The following DOCK9 variants were observed in gnomAD, a reference collection of about 807,000 sequenced individuals.
The protein encoded by DOCK9 is dedicator of cytokinesis 9.
Under a neutral mutation model 263.3 loss-of-function variants are expected in DOCK9, and 89 were observed. The observed-to-expected ratio is 0.34, with a 90% confidence interval of 0.28 to 0.40. The LOEUF (loss-of-function observed/expected upper bound fraction) is 0.40, where lower values mean the gene tolerates loss of function less well. Ranked by LOEUF, DOCK9 falls within the 10% of genes least tolerant of loss-of-function variation. The probability of loss-of-function intolerance (pLI) is 1.00; values close to 1 mark genes in which losing one functional copy is unlikely to be tolerated. For missense variants in DOCK9, 2,140 were observed against 2,603.4 expected, an observed-to-expected ratio of 0.82 and a Z score of 3.87; for synonymous variants, 976 against 973.1, an observed-to-expected ratio of 1.00 and a Z score of -0.06.
intron 1 of DOCK9, among the ~76,000 whole-genome samples, chr13:98,967,982 A>T (rs2059369712): frequency 2.0e-5 from 3 of 152,168 alleles, no homozygotes; most frequent in South Asian, 2.1e-4. Context: ...AAAAATCACA[A>T]ATATTTTTCC....
At chr13:98,864,476 C>G (rs2093962339) in intron 30 of DOCK9, among the ~76,000 whole-genome samples, 1 of 152,204 alleles carries the variant, frequency 6.6e-6, no homozygotes, top group African/African-American at 2.4e-5. Flanking sequence ...GACAGTTACT[C>G]CTAAATCTAG....
Position 98,824,404 on chromosome 13 carries a change from G to A in DOCK9, c.5124C>T (p.Phe1708=). ...CATGAGTTCAAGCACGCACCTCGTTGAAATGGACATCCTGCATCCCCACGT... is the reference window on the plus strand; with the variant it reads ...CATGAGTTCAAGCACGCACCTCGTTAAAATGGACATCCTGCATCCCCACGT... The part of the protein sequence containing the change: ...MEDVGMQDVH[F]NEDVLMELLE... The change falls in exon 45 of 53, where the codon TTC becomes TTT. Residue 1708 remains phenylalanine (F), a synonymous_variant. Transcript: ENST00000682017. 3 of 1,613,798 alleles carry A rather than the reference G, an allele frequency of 1.9e-6. No homozygotes were observed. The highest frequency in any genetic ancestry group is 2.5e-6 in the Non-Finnish European group (3 of 1,179,748).
At chr13:98,794,771 T>C in intron 52 of DOCK9, 23 bp from the exon 53 acceptor site, 1 of 1,613,234 alleles carries the variant, frequency 6.2e-7, no homozygotes, top group Non-Finnish European at 8.5e-7. Context: ...AACACAACGT[T>C]ACTGAGGGCA....
chr13:98,916,881 A>T (rs1053991042), intron 7 of DOCK9, among the ~76,000 whole-genome samples: 1 of 152,210 alleles, frequency 6.6e-6, no homozygotes, highest in Non-Finnish European at 1.5e-5. Flanking sequence ...AAATGCTTCA[A>T]AATTTTTTAG....
intron 30 of DOCK9, among the ~76,000 whole-genome samples, 156 bp downstream of exon 30, chr13:98,867,269 A>G (rs933190340): frequency 1.3e-5 from 2 of 152,260 alleles, no homozygotes; most frequent in Admixed American, 6.5e-5. Flanking sequence ...ATATTTTACC[A>G]ATACTTTTTG....
intron 27 of DOCK9, among the ~76,000 whole-genome samples, chr13:98,878,230 C>A (rs1414227293): frequency 2.0e-5 from 3 of 152,182 alleles, no homozygotes; most frequent in Non-Finnish European, 4.4e-5. Flanking sequence ...AAATAAATTT[C>A]TATTTTTTAA....
chr13:98,910,467 T>C (rs1161243017), intron 9 of DOCK9, among the ~76,000 whole-genome samples: 2 of 152,146 alleles, frequency 1.3e-5, no homozygotes, highest in African/African-American at 2.4e-5. Context: ...AGCTCCAAGA[T>C]TATACAAAAT....
At chr13:98,967,112 C>G (rs1275163067) in intron 1 of DOCK9, among the ~76,000 whole-genome samples, 1 of 152,250 alleles carries the variant, frequency 6.6e-6, no homozygotes, top group Non-Finnish European at 1.5e-5. Context: ...TCAAAAAATC[C>G]TGGCTTCACT....
At chr13:98,869,003 G>A (rs1251612892) in intron 27 of DOCK9, among the ~76,000 whole-genome samples, 1 of 152,180 alleles carries the variant, frequency 6.6e-6, no homozygotes, top group Non-Finnish European at 1.5e-5. Flanking sequence ...CAGGGAGAAG[G>A]GGCAAGAACC....
At chr13:98,955,712 A>T in intron 1 of DOCK9, among the ~76,000 whole-genome samples, 161 bp from the exon 2 acceptor site, 1 of 152,252 alleles carries the variant, frequency 6.6e-6, no homozygotes, top group East Asian at 1.9e-4. Flanking sequence ...TTCCAAAGGG[A>T]CAAAAAATGC....
At chr13:98,967,007 T>C (rs1179662691) in intron 1 of DOCK9, among the ~76,000 whole-genome samples, 2 of 152,222 alleles carry the variant, frequency 1.3e-5, no homozygotes, top group African/African-American at 2.4e-5. Context: ...TAACAAGCCC[T>C]TCAGACGATT....
intron 46 of DOCK9, among the ~76,000 whole-genome samples, chr13:98,809,953 G>A (rs1267646624): frequency 6.6e-6 from 1 of 152,120 alleles, no homozygotes; most frequent in Non-Finnish European, 1.5e-5. Context: ...TTGAGATGTG[G>A]GGGTCTCCAC....
intron 1 of DOCK9, among the ~76,000 whole-genome samples, chr13:99,026,936 T>C (rs1394134979): frequency 4.0e-5 from 6 of 151,758 alleles, no homozygotes; most frequent in Admixed American, 3.3e-4. Flanking sequence ...CCTTTAACAG[T>C]GTGCTACACG....
intron 2 of DOCK9, among the ~76,000 whole-genome samples, chr13:98,953,778 T>A (rs756406158): frequency 1.3e-5 from 2 of 152,252 alleles, no homozygotes; most frequent in Non-Finnish European, 2.9e-5. Flanking sequence ...CCATGCAGTT[T>A]AGTCATGAAA....
chr13:99,005,492 C>A (rs1883175655), intron 1 of DOCK9, among the ~76,000 whole-genome samples: 1 of 151,936 alleles, frequency 6.6e-6, no homozygotes, highest in Non-Finnish European at 1.5e-5. Flanking sequence ...AAGGAAAAGG[C>A]CTTAGGGTTT....
chr13:99,083,042 C>T (rs1227165162), intron 1 of DOCK9, among the ~76,000 whole-genome samples: 1 of 152,042 alleles, frequency 6.6e-6, no homozygotes, highest in Non-Finnish European at 1.5e-5. Flanking sequence ...ATCACCTGAG[C>T]TCAGGAGTTT....
At chr13:98,980,491 A>C (rs1380226580), upstream of DOCK9, among the ~76,000 whole-genome samples, 1 of 152,256 alleles carries the variant, frequency 6.6e-6, no homozygotes, top group Non-Finnish European at 1.5e-5. Flanking sequence ...TAAAAGGCAC[A>C]ATACCAATCA....
intron 1 of DOCK9, among the ~76,000 whole-genome samples, chr13:98,985,749 A>G (rs1878301368): frequency 6.6e-6 from 1 of 152,196 alleles, no homozygotes; most frequent in African/African-American, 2.4e-5. Flanking sequence ...CCTGGCCTCA[A>G]TCTTGTTTCG....
chr13:98,807,776 T>A lies in DOCK9; in HGVS notation c.5399A>T (p.Tyr1800Phe), dbSNP rs369791591. Residue 1800 changes from tyrosine to phenylalanine, a missense_variant, in exon 48 of 53, where the codon TAT becomes TTT. Transcript: ENST00000682017. ...TGTGAGTTTGGGTTCCTTGTAAATATACTCCTTTCCATCTTCATCTTCAAA... is the reference window on the plus strand; with the variant it reads ...TGTGAGTTTGGGTTCCTTGTAAATAAACTCCTTTCCATCTTCATCTTCAAA... ...GFFEDEDGKE[Y>F]IYKEPKLTPL... 6.2e-7 allele frequency: 1 copy of A among 1,612,400 alleles called. No individual in the cohort carries two copies. The highest frequency in any genetic ancestry group is 8.5e-7 in the Non-Finnish European group (1 of 1,178,930).
Sources: gnomAD v4.1 joint callset for allele counts (sites outside exome capture counted in the v4.1 genomes callset) on GRCh38, gnomAD v4.1.1 for gene constraint, MANE v1.5 for transcripts, NCBI Gene and HGNC (gene_info 2026-07-23, HGNC 2026-07-21) for gene names.